SOX6: variants seen among roughly 807,000 people sequenced by gnomAD.
SOX6 encodes transcription factor SOX-6.
A neutral mutation model predicts 97.8 loss-of-function variants in SOX6; 11 were observed. That is an observed-to-expected ratio of 0.11 (90% CI 0.07 to 0.19). The LOEUF is 0.19. Ranked by LOEUF, SOX6 falls within the 10% of genes least tolerant of loss-of-function variation. The pLI is 1.00. For synonymous variants in SOX6, 360 were observed against 371.4 expected (o/e 0.97, Z 0.35); for missense variants, 810 against 1,039.5 (o/e 0.78, Z 3.04).
intron 4 of SOX6, among the ~76,000 whole-genome samples, chr11:16,527,700 G>T (rs959608548): frequency 6.6e-6 from 1 of 152,014 alleles, no homozygotes; most frequent in African/African-American, 2.4e-5. Flanking sequence ...TGTATTCTTG[G>T]CCTCTGTTTG....
At chr11:16,356,742 G>A (rs567216152), upstream of SOX6, among the ~76,000 whole-genome samples, 4 of 152,194 alleles carry the variant, frequency 2.6e-5, no homozygotes, top group Non-Finnish European at 4.4e-5. Context: ...GCGCCATTCA[G>A]GCCAGGTCCA....
At chr11:16,635,726 T>G (rs1848776357) in intron 3 of SOX6, among the ~76,000 whole-genome samples, 1 of 151,852 alleles carries the variant, frequency 6.6e-6, no homozygotes, top group South Asian at 2.1e-4. Context: ...GTTTCCTGGG[T>G]GAGGTCCAGG....
intron 1 of SOX6, among the ~76,000 whole-genome samples, chr11:16,444,252 T>G (rs1398137064): frequency 6.6e-6 from 1 of 152,176 alleles, no homozygotes; most frequent in Non-Finnish European, 1.5e-5. Flanking sequence ...TTTATGTCTG[T>G]GGTTCTGCCA....
At chr11:16,142,297 T>A (rs1312850739) in intron 6 of SOX6, among the ~76,000 whole-genome samples, 1 of 152,206 alleles carries the variant, frequency 6.6e-6, no homozygotes, top group African/African-American at 2.4e-5. Context: ...GGGTCCTGAC[T>A]GTTAGAAGGA....
intron 4 of SOX6, among the ~76,000 whole-genome samples, chr11:16,518,596 T>A (rs926444410): frequency 6.6e-6 from 1 of 152,154 alleles, no homozygotes; most frequent in Non-Finnish European, 1.5e-5. Flanking sequence ...CTCTGTAATA[T>A]GTCTACTGAA....
intron 4 of SOX6, among the ~76,000 whole-genome samples, chr11:16,532,209 T>A (rs1465143160): frequency 6.6e-6 from 1 of 151,806 alleles, no homozygotes; most frequent in Admixed American, 6.6e-5. Flanking sequence ...CCTCTTCAAA[T>A]TCATTTTTTT....
intron 6 of SOX6, among the ~76,000 whole-genome samples, chr11:16,144,644 G>T (rs556875007): frequency 6.6e-6 from 1 of 151,746 alleles, no homozygotes; most frequent in Non-Finnish European, 1.5e-5. Context: ...TCAAATAGAC[G>T]CAATAAAAAA....
intron 2 of SOX6, among the ~76,000 whole-genome samples, chr11:16,327,958 A>G (rs1298017181): frequency 6.6e-6 from 1 of 152,190 alleles, no homozygotes; most frequent in Non-Finnish European, 1.5e-5. Flanking sequence ...TGTATCCAGT[A>G]GCAAGAATGA....
intron 1 of SOX6, among the ~76,000 whole-genome samples, chr11:16,391,464 C>T (rs1029595006): frequency 2.6e-5 from 4 of 152,116 alleles, no homozygotes; most frequent in Non-Finnish European, 4.4e-5. Flanking sequence ...AAGATTCTTG[C>T]AAGAATCATA....
Position 16,546,295 on chromosome 11 carries a change from A to G in SOX6, n.609+65786T>C, listed in dbSNP as rs932242889. Among the ~76,000 whole-genome samples the G allele has an allele frequency of 4.6e-5, 7 of 152,290 alleles. No homozygotes were observed. The East Asian group carries it at 1.4e-3, about 29-fold the overall frequency. ...CTACCCAAAGCAACCTGCAGATTCA[A>G]TGCAACCCCTATCAAAATACCAATG... is the stretch of plus-strand genomic sequence containing the variant. On this transcript the variant is annotated intron_variant and non_coding_transcript_variant, in intron 4 of 5. Transcript: ENST00000524520.
chr11:16,318,496 TCCA>T lies in SOX6; in HGVS notation c.392_394del (p.Val131del). ...CTCAAGCTTCTTCTGTTTCAGTGTG[TCCA>T]CCACATCGGCAAGACTCCCTTTGCG... is the stretch of plus-strand genomic sequence containing the variant. On this transcript the variant is annotated inframe_deletion, in exon 3 of 16. Coordinates refer to ENST00000683767, the MANE Select transcript of SOX6 (RefSeq NM_001367873.1). 1 of 1,613,604 alleles carries T rather than the reference TCCA, an allele frequency of 6.2e-7. No individual in the cohort carries two copies. Among genetic ancestry groups the T allele is most frequent in the Non-Finnish European group, 8.5e-7 (1 of 1,179,770 alleles).
At chr11:16,413,009 T>C (rs1858853375) in intron 1 of SOX6, among the ~76,000 whole-genome samples, 1 of 152,190 alleles carries the variant, frequency 6.6e-6, no homozygotes, top group South Asian at 2.1e-4. Context: ...AGAAGGGTTG[T>C]TCCCCAAAAG....
At chr11:16,243,609 C>T (rs1590058343) in intron 3 of SOX6, among the ~76,000 whole-genome samples, 1 of 151,588 alleles carries the variant, frequency 6.6e-6, no homozygotes, top group Admixed American at 6.6e-5. Flanking sequence ...TGTAGCTCCA[C>T]CCTCCCGAAA....
chr11:16,665,410 T>G (rs891358341), intron 3 of SOX6, among the ~76,000 whole-genome samples: 1 of 152,186 alleles, frequency 6.6e-6, no homozygotes, highest in African/African-American at 2.4e-5. Context: ...CAAGGCAATA[T>G]GTGCCACAGG....
At chr11:16,209,920 T>G (rs979702730) in intron 4 of SOX6, among the ~76,000 whole-genome samples, 4 of 152,148 alleles carry the variant, frequency 2.6e-5, no homozygotes, top group African/African-American at 9.7e-5. Context: ...TGAGCCTTAG[T>G]TTCTCCATAT....
chr11:16,557,461 G>A (rs11600664), intron 4 of SOX6, among the ~76,000 whole-genome samples: 58,061 of 151,472 alleles, frequency 0.38, 12,324 homozygotes, highest in Non-Finnish European at 0.46. Flanking sequence ...TGTCCTCCCC[G>A]GATAGTCCCA....
At chr11:16,036,961 T>C (rs557858558) in intron 12 of SOX6, among the ~76,000 whole-genome samples, 1 of 152,310 alleles carries the variant, frequency 6.6e-6, no homozygotes, top group Admixed American at 6.5e-5. Context: ...TTTCTAAAGT[T>C]GCATTTTAAA....
At chr11:16,103,282 TC>T (rs1404936168) in intron 7 of SOX6, among the ~76,000 whole-genome samples, 1 of 151,508 alleles carries the variant, frequency 6.6e-6, no homozygotes, top group Non-Finnish European at 1.5e-5. Context: ...AAGCTCAACA[TC>T]ACTAATTGTC....
chr11:16,098,045 T>C (rs1848845683), intron 7 of SOX6, among the ~76,000 whole-genome samples: 1 of 151,882 alleles, frequency 6.6e-6, no homozygotes, highest in South Asian at 2.1e-4. Flanking sequence ...AAGGCTTTTA[T>C]ATTAGAACAA....
Sources: allele counts gnomAD v4.1 joint callset (sites outside exome capture counted in the v4.1 genomes callset), GRCh38; gene constraint gnomAD v4.1.1; transcripts MANE v1.5; gene names NCBI Gene and HGNC (gene_info 2026-07-23, HGNC 2026-07-21).